DENND1B: variants seen among roughly 807,000 people sequenced by gnomAD.
The protein encoded by DENND1B is DENN domain containing 1B.
In DENND1B, 59 loss-of-function variants were observed where a neutral mutation model predicts 90.1. The ratio of observed to expected loss-of-function variants is 0.65; its 90% CI spans 0.53 to 0.81. The LOEUF is 0.81. Ranked by LOEUF, DENND1B falls within the 40% of genes least tolerant of loss-of-function variation. The pLI, the probability that DENND1B is intolerant of heterozygous loss-of-function variation, is 0.00. For synonymous variants in DENND1B, 337 were observed against 324.6 expected (o/e 1.04, Z -0.41); for missense variants, 862 against 912.6 (o/e 0.94, Z 0.71).
chr1:197,672,319 TGTAAA>T (rs1298535235), intron 4 of DENND1B, among the ~76,000 whole-genome samples, 163 bp from the exon 5 acceptor site: 19 of 152,224 alleles, frequency 1.2e-4, no homozygotes, highest in Non-Finnish European at 2.4e-4. Flanking sequence ...GTGTGAAACT[TGTAAA>T]GTAAACACCA....
upstream of DENND1B, among the ~76,000 whole-genome samples, chr1:197,780,254 G>T (rs1571720149): frequency 1.3e-5 from 2 of 151,926 alleles, no homozygotes. Context: ...ATAAGACCAT[G>T]ATAACAGTTC....
chr1:197,714,934 T>C (rs948518964), intron 3 of DENND1B, 97 bp downstream of exon 3: 51 of 857,016 alleles, frequency 6.0e-5, no homozygotes, highest in Non-Finnish European at 8.8e-5. Flanking sequence ...TAGCAATCCA[T>C]GTTCACTAGT....
chr1:197,640,098 A>G (rs1271053547), intron 10 of DENND1B, among the ~76,000 whole-genome samples: 1 of 152,178 alleles, frequency 6.6e-6, no homozygotes, highest in Non-Finnish European at 1.5e-5. Flanking sequence ...TATGATAACA[A>G]TTTGTTTTTA....
At chr1:197,563,445 C>G (rs561189198) in intron 15 of DENND1B, among the ~76,000 whole-genome samples, 1 of 152,090 alleles carries the variant, frequency 6.6e-6, no homozygotes, top group South Asian at 2.1e-4. Flanking sequence ...ATAAATAATA[C>G]AAAGCCCAGA....
At chr1:197,538,430 G>A (rs986766723) in intron 20 of DENND1B, among the ~76,000 whole-genome samples, 8 of 152,058 alleles carry the variant, frequency 5.3e-5, no homozygotes. Context: ...TTTATTGAAG[G>A]GCTTATTTTA....
At chr1:197,682,933 T>C (rs889143276) in intron 3 of DENND1B, among the ~76,000 whole-genome samples, 6 of 152,228 alleles carry the variant, frequency 3.9e-5, no homozygotes, top group Non-Finnish European at 7.3e-5. Flanking sequence ...GGCAACACTT[T>C]ACATGTATCT....
chr1:197,577,111 G>C (rs1231999908), intron 15 of DENND1B, among the ~76,000 whole-genome samples: 1 of 152,064 alleles, frequency 6.6e-6, no homozygotes, highest in Non-Finnish European at 1.5e-5. Context: ...GACTTAGTGA[G>C]GGGGAGGGAC....
In DENND1B at chr1:197,510,662, T is replaced by C. The variant is rs1406969162; in HGVS notation, c.2126A>G (p.Gln709Arg). Residue 709 changes from glutamine to arginine, a missense_variant, in exon 23 of 23, where the codon CAG becomes CGG. Physicochemically the swap from Gln to Arg is conservative, Grantham distance 43. Transcript: ENST00000620048. Reference sequence around the variant, plus strand: ...GGGTATAAGCAGATCATCTGAAATCTGGCTTAGTGTTTCCCTCTTTTCTGT... The same window carrying C: ...GGGTATAAGCAGATCATCTGAAATCCGGCTTAGTGTTTCCCTCTTTTCTGT... ...GKTEKRETLS[Q>R]ISDDLLIPGL... 6 of 1,612,868 alleles carry C rather than the reference T, an allele frequency of 3.7e-6. No individual in the cohort carries two copies. The highest frequency in any genetic ancestry group is 5.1e-6 in the Non-Finnish European group (6 of 1,179,242).
In DENND1B at chr1:197,658,185, A is replaced by C. The variant is rs1654042927; in HGVS notation, c.366+115T>G. On this transcript the variant is annotated intron_variant, in intron 6 of 22. Coordinates refer to ENST00000620048, the MANE Select transcript of DENND1B (RefSeq NM_001195215.2). ...AGATGTATGGTATTGATGATTGCAG[A>C]TCAACATTAATGTACTTAATGTCAC... 1.3e-5 allele frequency: 11 copies of C among 827,476 alleles called. No homozygotes were observed. The South Asian group carries it at 1.5e-4, about 11-fold the overall frequency. The allele number at this position is 827,476 out of a possible 1,614,324, so 51.3% of individuals were successfully genotyped here.
chr1:197,751,656 C>A (rs2102412122), intron 2 of DENND1B, among the ~76,000 whole-genome samples: 1 of 152,140 alleles, frequency 6.6e-6, no homozygotes, highest in East Asian at 1.9e-4. Flanking sequence ...CTAGCCTGGT[C>A]AACATGGTGA....
At chr1:197,665,401 C>T (rs1307384173) in intron 5 of DENND1B, among the ~76,000 whole-genome samples, 1 of 152,116 alleles carries the variant, frequency 6.6e-6, no homozygotes, top group Non-Finnish European at 1.5e-5. Flanking sequence ...TACAAATGTT[C>T]TAGCTTAGAA....
intron 15 of DENND1B, among the ~76,000 whole-genome samples, chr1:197,570,112 G>A (rs2125729600): frequency 6.6e-6 from 1 of 151,300 alleles, no homozygotes; most frequent in Admixed American, 6.6e-5. Context: ...AAAAATAATG[G>A]CCAGGCACAC....
At chr1:197,552,287 C>T in intron 16 of DENND1B, 1 of 982,986 alleles carries the variant, frequency 1.0e-6, no homozygotes. Context: ...ATTTAGTACA[C>T]TTAATATTTA....
chr1:197,740,080 G>A (rs747758892), intron 2 of DENND1B, among the ~76,000 whole-genome samples: 4 of 152,154 alleles, frequency 2.6e-5, no homozygotes, highest in Non-Finnish European at 4.4e-5. Context: ...AATTATGAGC[G>A]CAAAAGGAAG....
At chr1:197,675,331 G>C (rs1484274458) in intron 3 of DENND1B, among the ~76,000 whole-genome samples, 1 of 151,914 alleles carries the variant, frequency 6.6e-6, no homozygotes, top group Non-Finnish European at 1.5e-5. Context: ...TAAAAAGGTA[G>C]ACTACAATAA....
intron 14 of DENND1B, among the ~76,000 whole-genome samples, chr1:197,586,987 T>C (rs1383771162): frequency 6.6e-6 from 1 of 152,128 alleles, no homozygotes; most frequent in African/African-American, 2.4e-5. Context: ...GTGCAATTTT[T>C]CACAAAACGG....
intron 2 of DENND1B, chr1:197,747,564 C>T (rs1048879497): frequency 6.0e-5 from 11 of 183,830 alleles, no homozygotes; most frequent in African/African-American, 2.1e-4. Context: ...AAAGTGAGCA[C>T]ATGCTGTTAA....
At chr1:197,749,637 G>A (rs1017818723) in intron 2 of DENND1B, among the ~76,000 whole-genome samples, 1 of 151,880 alleles carries the variant, frequency 6.6e-6, no homozygotes, top group Non-Finnish European at 1.5e-5. Context: ...TAATACTCCA[G>A]GCTAAAAGAA....
intron 10 of DENND1B, among the ~76,000 whole-genome samples, chr1:197,637,079 A>G (rs1035139626): frequency 1.3e-5 from 2 of 152,212 alleles, no homozygotes; most frequent in Non-Finnish European, 2.9e-5. Flanking sequence ...ACATTTTAAA[A>G]TAAACACACT....
Sources: gnomAD v4.1 joint callset for allele counts (sites outside exome capture counted in the v4.1 genomes callset) on GRCh38, gnomAD v4.1.1 for gene constraint, MANE v1.5 for transcripts, NCBI Gene and HGNC (gene_info 2026-07-23, HGNC 2026-07-21) for gene names.